The following PARN variants were observed in gnomAD, a reference collection of about 807,000 sequenced individuals.
PARN encodes poly(A)-specific ribonuclease.
A neutral mutation model predicts 102.8 loss-of-function variants in PARN; 71 were observed. The ratio of observed to expected loss-of-function variants is 0.69; its 90% CI spans 0.57 to 0.84. The LOEUF (loss-of-function observed/expected upper bound fraction) is 0.84, where lower values mean the gene tolerates loss of function less well. PARN is among the 40% of genes least tolerant of loss of function. The pLI is 0.00. For missense variants in PARN, 782 were observed against 760.9 expected (o/e 1.03, Z -0.33); for synonymous variants, 261 against 252.9 (o/e 1.03, Z -0.30).
chr16:14,604,848 T>C (rs541371162), intron 10 of PARN, among the ~76,000 whole-genome samples: 140 of 152,142 alleles, frequency 9.2e-4, no homozygotes, highest in Admixed American at 1.6e-3. Context: ...ACTCCTGACC[T>C]CAAGTGATCT....
At chr16:14,443,425 C>A (rs1961040240) in intron 23 of PARN, among the ~76,000 whole-genome samples, 1 of 151,266 alleles carries the variant, frequency 6.6e-6, no homozygotes, top group South Asian at 2.1e-4. Context: ...ACTGCAACCT[C>A]TGCCTCCCTG....
rs180982967 is a variant in PARN, at chr16:14,538,825, G to T, written c.1480+13196C>A. Among the ~76,000 whole-genome samples the T allele has an allele frequency of 1.6e-4, 25 of 152,196 alleles. No individual in the cohort carries two copies. In the South Asian group the frequency reaches 5.2e-3, roughly 32 times the overall value. ...TTTTTACAGCCACTCCCCATCGCTCGCATTACCACCTAAGCTCCACGTCCT... is the reference window on the plus strand; with the variant it reads ...TTTTTACAGCCACTCCCCATCGCTCTCATTACCACCTAAGCTCCACGTCCT... On this transcript the variant is annotated intron_variant, in intron 21 of 23. Coordinates refer to ENST00000437198, the MANE Select transcript of PARN (RefSeq NM_002582.4).
intron 21 of PARN, 95 bp downstream of exon 21, chr16:14,551,926 A>G: frequency 1.3e-6 from 1 of 749,876 alleles, no homozygotes; most frequent in East Asian, 2.5e-5. Context: ...AATGAGTGTA[A>G]GCTGACTGAG....
Position 14,627,184 on chromosome 16 carries a change from A to G in PARN, c.249T>C (p.Tyr83=). The G allele has an allele frequency of 6.3e-7, 1 of 1,594,526 alleles. No homozygotes were observed. The highest frequency in any genetic ancestry group is 8.6e-7 in the Non-Finnish European group (1 of 1,164,924). The part of the protein sequence containing the change: ...TFKYDYTDSK[Y]ITKSFNFYVF... ...CATAGAAGTTAAATGACTTCGTTAT[A>G]TACCTGGGATAAGATAAAAGGAGAC... is the stretch of plus-strand genomic sequence containing the variant. Residue 83 remains tyrosine, a synonymous_variant, in exon 5 of 24, where the codon TAT becomes TAC. Transcript: ENST00000437198.
At chr16:14,624,938 TAC>T (rs1944536183) in intron 5 of PARN, among the ~76,000 whole-genome samples, 1 of 151,992 alleles carries the variant, frequency 6.6e-6, no homozygotes. Context: ...TAATAACAGC[TAC>T]TCAGGAGGCT....
intron 7 of PARN, among the ~76,000 whole-genome samples, chr16:14,610,191 G>C (rs993007488): frequency 1.3e-5 from 2 of 152,182 alleles, no homozygotes; most frequent in Admixed American, 1.3e-4. Context: ...TGAATATGCC[G>C]GCTAGGCATG....
At chr16:14,612,176 C>T (rs1971555240) in intron 6 of PARN, among the ~76,000 whole-genome samples, 1 of 152,138 alleles carries the variant, frequency 6.6e-6, no homozygotes, top group African/African-American at 2.4e-5. Context: ...TGGTGGCTCA[C>T]GCCTATAATC....
At chr16:14,609,362 T>C (rs550221702) in intron 7 of PARN, among the ~76,000 whole-genome samples, 32 of 151,942 alleles carry the variant, frequency 2.1e-4, no homozygotes, top group African/African-American at 7.8e-4. Context: ...GCCCAGGAGT[T>C]CGCGACCAGC....
chr16:14,577,144 T>C (rs1475109867), intron 18 of PARN, among the ~76,000 whole-genome samples: 1 of 152,142 alleles, frequency 6.6e-6, no homozygotes, highest in African/African-American at 2.4e-5. Flanking sequence ...ATGTTAGGAG[T>C]ATGCATGTTT....
chr16:14,586,707 T>C (rs900708232), intron 13 of PARN, among the ~76,000 whole-genome samples: 3 of 152,116 alleles, frequency 2.0e-5, no homozygotes, highest in African/African-American at 7.2e-5. Context: ...CTTCCAGTAA[T>C]AGCTAACAGG....
At chr16:14,578,099 C>T (rs1396904257) in intron 18 of PARN, among the ~76,000 whole-genome samples, 1 of 151,422 alleles carries the variant, frequency 6.6e-6, no homozygotes, top group African/African-American at 2.4e-5. Flanking sequence ...GAGGCCAAGG[C>T]AGGTGGATCA....
At chr16:14,554,924 T>C (rs1967565940) in intron 19 of PARN, among the ~76,000 whole-genome samples, 1 of 152,160 alleles carries the variant, frequency 6.6e-6, no homozygotes, top group Non-Finnish European at 1.5e-5. Flanking sequence ...ATCCCAAACC[T>C]AGAACTTATT....
chr16:14,455,839 C>CT, intron 22 of PARN, among the ~76,000 whole-genome samples: 1 of 152,344 alleles, frequency 6.6e-6, no homozygotes, highest in East Asian at 1.9e-4. Context: ...ACCTTAATCT[C>CT]TGACTCCATG....
Position 14,482,728 on chromosome 16 carries a change from G to A in PARN, c.1580C>T (p.Thr527Ile). 3 of 1,613,704 alleles carry A rather than the reference G, an allele frequency of 1.9e-6. No homozygotes were observed. Among genetic ancestry groups the A allele is most frequent in the Non-Finnish European group, 2.5e-6 (3 of 1,179,726 alleles). ...GTCAGCCTCCTTCCAGCTATCTTCA[G>A]TCCACTTTCTTTTGATCTGCTTCTC... ...QEEKQIKRKW[T>I]EDSWKEADSK... The change falls in exon 22 of 24, where the codon ACT becomes ATT. Residue 527 changes from threonine to isoleucine, a missense_variant. Transcript: ENST00000437198.
chr16:14,610,848 ACTGT>A (rs772351536), intron 6 of PARN, 39 bp from the exon 7 acceptor site: 26 of 1,395,910 alleles, frequency 1.9e-5, no homozygotes, highest in African/African-American at 7.1e-5. Flanking sequence ...AGCAGAAGTA[ACTGT>A]CTAACATAAA....
chr16:14,483,120 A>C (rs1255910040), intron 21 of PARN, among the ~76,000 whole-genome samples: 2 of 152,262 alleles, frequency 1.3e-5, no homozygotes, highest in African/African-American at 4.8e-5. Flanking sequence ...ATTAATTTTC[A>C]AAATATTTGC....
intron 18 of PARN, among the ~76,000 whole-genome samples, chr16:14,557,536 G>T (rs945902685): frequency 1.6e-5 from 2 of 123,758 alleles, no homozygotes; most frequent in Non-Finnish European, 3.2e-5. Flanking sequence ...TAGCCTGGGC[G>T]ACAAGAGCAA....
At chr16:14,625,269 G>A (rs910085226) in intron 5 of PARN, among the ~76,000 whole-genome samples, 5 of 151,862 alleles carry the variant, frequency 3.3e-5, no homozygotes, top group Admixed American at 6.6e-5. Flanking sequence ...AGGCCAAGCC[G>A]GGCAGATCAC....
intron 22 of PARN, among the ~76,000 whole-genome samples, chr16:14,450,247 T>G (rs1236434195): frequency 6.6e-6 from 1 of 152,194 alleles, no homozygotes; most frequent in Non-Finnish European, 1.5e-5. Context: ...CAATCTTGAG[T>G]AGGGTGTGGG....
Sources: allele counts gnomAD v4.1 joint callset (sites outside exome capture counted in the v4.1 genomes callset), GRCh38; gene constraint gnomAD v4.1.1; transcripts MANE v1.5; gene names NCBI Gene and HGNC (gene_info 2026-07-23, HGNC 2026-07-21).